PRKAR1B: variants seen among roughly 807,000 people sequenced by gnomAD.
PRKAR1B encodes cAMP-dependent protein kinase type I-beta regulatory subunit.
A neutral mutation model predicts 46.5 loss-of-function variants in PRKAR1B; 22 were observed. That is an observed-to-expected ratio of 0.47 (90% CI 0.34 to 0.68). PRKAR1B has a LOEUF of 0.68. Among genes scored for constraint, PRKAR1B ranks in the 30% least tolerant of loss-of-function variants. The probability of loss-of-function intolerance (pLI) is 0.01; values close to 1 mark genes in which losing one functional copy is unlikely to be tolerated. For synonymous variants in PRKAR1B, 259 were observed against 217.7 expected (o/e 1.19, Z -1.67); for missense variants, 445 against 535.6 (o/e 0.83, Z 1.67).
chr7:576,298 C>G (rs1040249927), intron 9 of PRKAR1B, among the ~76,000 whole-genome samples: 1 of 152,232 alleles, frequency 6.6e-6, no homozygotes, highest in African/African-American at 2.4e-5. Flanking sequence ...CCGCCAGAGC[C>G]TCCTTCAACG....
Position 584,584 on chromosome 7 carries a change from T to A in PRKAR1B, c.709-16A>T, listed in dbSNP as rs9330368. On this transcript the variant is annotated splice_polypyrimidine_tract_variant and intron_variant, in intron 7 of 10. Transcript: ENST00000537384. Reference sequence around the variant, plus strand: ...GCGTGCTGCCCTGTTCGGGAGAAAGTAAAAAACAGACAAGAAGGTGAATCT... The same window carrying A: ...GCGTGCTGCCCTGTTCGGGAGAAAGAAAAAAACAGACAAGAAGGTGAATCT... The A allele has an allele frequency of 3.7e-5, 60 of 1,609,492 alleles. No homozygotes were observed. The African/African-American group carries it at 6.4e-4, about 17-fold the overall frequency.
intron 7 of PRKAR1B, among the ~76,000 whole-genome samples, chr7:594,942 G>A (rs944531209): frequency 6.6e-6 from 1 of 152,212 alleles, no homozygotes; most frequent in South Asian, 2.1e-4. Context: ...CAGACCCAGA[G>A]CTTCCCAGGA....
intron 2 of PRKAR1B, among the ~76,000 whole-genome samples, chr7:694,691 C>G (rs968152454): frequency 6.6e-6 from 1 of 152,098 alleles, no homozygotes; most frequent in African/African-American, 2.4e-5. Context: ...ATGTCTTGCA[C>G]GAGTTCGTTA....
At chr7:674,911 G>A (rs1786491523) in intron 4 of PRKAR1B, among the ~76,000 whole-genome samples, 1 of 152,180 alleles carries the variant, frequency 6.6e-6, no homozygotes, top group South Asian at 2.1e-4. Flanking sequence ...TGAGTGGCTG[G>A]GTGCCAAGAC....
Position 644,563 on chromosome 7 carries a change from G to C in PRKAR1B, c.440+32666C>G, listed in dbSNP as rs1228522022. ...GCTGCCAGGGAGCCCTCCCAGCACT[G>C]AGGGGGCACCAGTCTGGCCATGCGA... On this transcript the variant is annotated intron_variant, in intron 4 of 10. Transcript: ENST00000537384. The surrounding 1 kb of genome is among the most constrained non-coding windows in gnomAD (Gnocchi z 4.9). 6.6e-6 allele frequency among the ~76,000 whole-genome samples: 1 copy of C among 152,164 alleles called. No individual in the cohort carries two copies.
At chr7:612,360 A>C (rs958437311) in intron 4 of PRKAR1B, among the ~76,000 whole-genome samples, 3 of 149,116 alleles carry the variant, frequency 2.0e-5, no homozygotes, top group African/African-American at 7.5e-5. Context: ...ATGGATGGAC[A>C]GGTGGGTGGA....
chr7:703,517 G>A (rs535859646), intron 2 of PRKAR1B, among the ~76,000 whole-genome samples: 9 of 152,162 alleles, frequency 5.9e-5, no homozygotes, highest in South Asian at 2.1e-4. Context: ...TTAGCTGGGC[G>A]TGGTGGCAGA....
At chr7:595,481 A>G (rs1440007554) in intron 7 of PRKAR1B, among the ~76,000 whole-genome samples, 1 of 152,152 alleles carries the variant, frequency 6.6e-6, no homozygotes, top group Admixed American at 6.5e-5. Context: ...CACCCAGAAC[A>G]GGGCCTGGCA....
At chr7:715,975 A>G (rs1019963746) in intron 1 of PRKAR1B, among the ~76,000 whole-genome samples, 4 of 152,050 alleles carry the variant, frequency 2.6e-5, no homozygotes, top group East Asian at 3.9e-4. Flanking sequence ...TTGGCCTCCC[A>G]AAGTGCTGGG....
intron 4 of PRKAR1B, among the ~76,000 whole-genome samples, chr7:672,217 C>A (rs558733740): frequency 6.6e-6 from 1 of 152,014 alleles, no homozygotes; most frequent in Non-Finnish European, 1.5e-5. Context: ...GTGGCATGAT[C>A]TCGGCTCATT....
chr7:630,523 C>T (rs926628775), intron 4 of PRKAR1B, among the ~76,000 whole-genome samples: 1 of 152,344 alleles, frequency 6.6e-6, no homozygotes, highest in Non-Finnish European at 1.5e-5. Flanking sequence ...CCTGTACAAA[C>T]TCAGATGCAC....
intron 6 of PRKAR1B, among the ~76,000 whole-genome samples, chr7:605,380 G>A (rs975109978): frequency 4.6e-5 from 7 of 152,232 alleles, no homozygotes; most frequent in South Asian, 2.1e-4. Context: ...GGAGCCCAGC[G>A]GGGGATGAGG....
intron 9 of PRKAR1B, among the ~76,000 whole-genome samples, chr7:575,671 A>C (rs957934334): frequency 3.9e-5 from 6 of 152,020 alleles, no homozygotes; most frequent in Non-Finnish European, 8.8e-5. Flanking sequence ...TCCGCCTCCC[A>C]AGTAGCTGGG....
At chr7:595,664 C>T (rs1040122648) in intron 7 of PRKAR1B, among the ~76,000 whole-genome samples, 2 of 152,204 alleles carry the variant, frequency 1.3e-5, no homozygotes, top group Admixed American at 1.3e-4. Flanking sequence ...CCCACGTGTG[C>T]ACACAACACA....
intron 4 of PRKAR1B, among the ~76,000 whole-genome samples, chr7:674,222 G>A (rs1786453491): frequency 6.6e-6 from 1 of 152,100 alleles, no homozygotes. Context: ...GCCACACCCA[G>A]CTACTCCAAC....
At chr7:579,057 C>T (rs1010606993) in intron 9 of PRKAR1B, 199 bp downstream of exon 9, 4 of 985,360 alleles carry the variant, frequency 4.1e-6, no homozygotes, top group Non-Finnish European at 4.8e-6. Context: ...GCTTTTGATG[C>T]TAGAGGGCAG....
At chr7:634,476 T>G (rs1020422524) in intron 4 of PRKAR1B, among the ~76,000 whole-genome samples, 1 of 151,586 alleles carries the variant, frequency 6.6e-6, no homozygotes, top group Non-Finnish European at 1.5e-5. Context: ...AGACCCTGTC[T>G]CCAAAAAAAA....
chr7:607,350 T>C (rs1213349723), intron 5 of PRKAR1B, 41 bp downstream of exon 5: 3 of 1,573,884 alleles, frequency 1.9e-6, no homozygotes, highest in Admixed American at 3.4e-5. Context: ...AGTCCATTTT[T>C]CCCCTCTGGA....
intron 2 of PRKAR1B, among the ~76,000 whole-genome samples, chr7:706,485 G>A (rs982394895): frequency 3.0e-5 from 4 of 133,380 alleles, no homozygotes; most frequent in South Asian, 2.4e-4. Context: ...GTGCAGTGGC[G>A]CGATCTGGGC....
Sources: allele counts gnomAD v4.1 joint callset (sites outside exome capture counted in the v4.1 genomes callset), GRCh38; gene constraint gnomAD v4.1.1; non-coding constraint Gnocchi (gnomAD v3.1); transcripts MANE v1.5; gene names NCBI Gene and HGNC (gene_info 2026-07-23, HGNC 2026-07-21).